The following UBE2V2 variants were observed in gnomAD, a reference collection of about 807,000 sequenced individuals.
UBE2V2 encodes the protein ubiquitin-conjugating enzyme E2 variant 2.
Under a neutral mutation model 17.2 loss-of-function variants are expected in UBE2V2, and 9 were observed. The ratio of observed to expected loss-of-function variants is 0.52; its 90% confidence interval spans 0.32 to 0.91. UBE2V2 has a LOEUF of 0.91. Ranked by LOEUF, UBE2V2 falls within the 40% of genes least tolerant of loss-of-function variation. The probability of loss-of-function intolerance (pLI) is 0.04; values close to 1 mark genes in which losing one functional copy is unlikely to be tolerated. For synonymous variants in UBE2V2, 61 were observed against 57.5 expected, an observed-to-expected ratio of 1.06 and a Z score of -0.28; for missense variants, 133 against 182.6, an observed-to-expected ratio of 0.73 and a Z score of 1.56.
chr8:48,034,234 G>C (rs1325416173), intron 1 of UBE2V2, among the ~76,000 whole-genome samples: 1 of 150,850 alleles, frequency 6.6e-6, no homozygotes, highest in Non-Finnish European at 1.5e-5. Flanking sequence ...CGATTCTCCT[G>C]CCTCAGCCTC....
the UBE2V2 span, among the ~76,000 whole-genome samples, chr8:47,999,403 C>A: frequency 2.0e-5 from 3 of 151,736 alleles, no homozygotes; most frequent in Non-Finnish European, 4.4e-5. Flanking sequence ...TGTCGCCAGG[C>A]TGGAGTGCAG....
At chr8:48,007,890 C>T (rs1187674783), upstream of UBE2V2, among the ~76,000 whole-genome samples, 1 of 151,954 alleles carries the variant, frequency 6.6e-6, no homozygotes, top group Non-Finnish European at 1.5e-5. Context: ...TCTTTTGAAT[C>T]GTTTATCAAC....
chr8:48,019,569 C>T (rs1304179386), intron 1 of UBE2V2, among the ~76,000 whole-genome samples: 1 of 151,636 alleles, frequency 6.6e-6, no homozygotes, highest in African/African-American at 2.4e-5. Context: ...GTAATCCCAG[C>T]ACTTTGGGAG....
At chr8:48,038,217 CAG>C (rs1449678862) in intron 1 of UBE2V2, among the ~76,000 whole-genome samples, 2 of 152,158 alleles carry the variant, frequency 1.3e-5, no homozygotes, top group African/African-American at 4.8e-5. Context: ...TTTTTGGAAA[CAG>C]AACATTTCTA....
rs1362249838 is a variant in UBE2V2 at position 48,049,980 on chromosome 8, T to C, written c.291+2T>C. ...GGAATAAATAATTCCAGTGGGATGG[T>C]AAGTTAATATAGTCATTTTGGTTTT... On this transcript the variant is annotated splice_donor_variant, in intron 3 of 3. Transcript: ENST00000523111. LOFTEE classifies it high-confidence loss of function. 1 of 1,528,088 alleles carries C rather than the reference T, an allele frequency of 6.5e-7. No homozygotes were observed. Among genetic ancestry groups the C allele is most frequent in the Non-Finnish European group, 8.8e-7 (1 of 1,135,672 alleles). 94.7% of individuals were successfully genotyped at this position (1,528,088 alleles called of 1,614,324 possible). A position where few individuals can be genotyped will look rare whatever the true frequency, so the allele number is the denominator to read the frequency against.
chr8:48,046,028 C>T (rs924205499), intron 2 of UBE2V2, among the ~76,000 whole-genome samples: 1 of 152,186 alleles, frequency 6.6e-6, no homozygotes, highest in Admixed American at 6.5e-5. Flanking sequence ...ATCACCGCAA[C>T]CTCCGCCTCC....
intron 3 of UBE2V2, chr8:48,050,548 T>G (rs2091529888): frequency 6.6e-6 from 1 of 152,146 alleles, no homozygotes; most frequent in Admixed American, 6.6e-5. Context: ...TTCTTAGGGT[T>G]TTAATTGCCT....
chr8:48,035,056 T>TACA lies in UBE2V2; in HGVS notation c.17-7975_17-7973dup, dbSNP rs538433574. ...CGAAAGCAGAAGTTAGCATTCCTCTTACAAGGTGAGTGCCAGAACTGGCCT... is the reference window on the plus strand; with the variant it reads ...CGAAAGCAGAAGTTAGCATTCCTCTTACAACAAGGTGAGTGCCAGAACTGGCCT... On this transcript the variant is annotated intron_variant, in intron 1 of 3. Coordinates refer to ENST00000523111, the MANE Select transcript of UBE2V2 (RefSeq NM_003350.3). The TACA allele has an allele frequency of 5.9e-4, 580 of 985,022 alleles. 3 individuals are homozygous for TACA. In the African/African-American group the frequency reaches 9.9e-3, roughly 17 times the overall value. The allele number at this position is 985,022 out of a possible 1,614,324, so 61.0% of individuals were successfully genotyped here. A position where few individuals can be genotyped will look rare whatever the true frequency, so the allele number is the denominator to read the frequency against.
intron 2 of UBE2V2, 87 bp downstream of exon 2, chr8:48,043,268 A>G: frequency 1.9e-6 from 2 of 1,054,712 alleles, no homozygotes; most frequent in Non-Finnish European, 2.5e-6. Context: ...AAAATAAGCA[A>G]TTATGATAAC....
At chr8:48,031,079 G>A (rs572492265) in intron 1 of UBE2V2, among the ~76,000 whole-genome samples, 22 of 151,930 alleles carry the variant, frequency 1.4e-4, no homozygotes, top group African/African-American at 5.3e-4. Flanking sequence ...TGTGGTGGCA[G>A]GCACCTGTAA....
intron 1 of UBE2V2, among the ~76,000 whole-genome samples, chr8:48,010,884 T>A (rs1367400256): frequency 1.7e-4 from 25 of 149,134 alleles, no homozygotes; most frequent in African/African-American, 2.7e-4. Context: ...ATATATATAT[T>A]TTTTTTGTAT....
intron 1 of UBE2V2, among the ~76,000 whole-genome samples, chr8:48,030,298 T>C (rs1360093359): frequency 6.6e-6 from 1 of 152,200 alleles, no homozygotes. Context: ...GAGAGAAAGA[T>C]TAAAAACAAA....
chr8:48,041,583 T>G (rs10958450), intron 1 of UBE2V2, among the ~76,000 whole-genome samples: 3,475 of 152,198 alleles, frequency 0.023, 103 homozygotes, highest in East Asian at 0.084. Flanking sequence ...ACAGACAAAT[T>G]AAAAGTTCTG....
chr8:48,001,132 A>G, the UBE2V2 span, among the ~76,000 whole-genome samples: 1 of 152,082 alleles, frequency 6.6e-6, no homozygotes, highest in Non-Finnish European at 1.5e-5. Context: ...TCCCAACTTA[A>G]TCATTCAAGG....
upstream of UBE2V2, among the ~76,000 whole-genome samples, chr8:48,007,741 CT>C (rs5891259): frequency 0.94 from 136,108 of 144,324 alleles, 64,165 homozygotes; most frequent in East Asian, 1. Context: ...TTCTTTCTTT[CT>C]TTTTTTTTTT....
Position 48,061,607 on chromosome 8 carries a change from C to T in UBE2V2, c.*779C>T, listed in dbSNP as rs937895150. 6.6e-6 allele frequency: 1 copy of T among 152,582 alleles called. No homozygotes were observed. Among genetic ancestry groups the T allele is most frequent in the African/African-American group, 2.4e-5 (1 of 41,428 alleles). The allele number at this position is 152,582 out of a possible 1,614,324, so 9.5% of individuals were successfully genotyped here. On this transcript the variant is annotated 3_prime_UTR_variant, in exon 4 of 4. Transcript: ENST00000523111. ...TTTCTATTATGTTGATGTATATGTA[C>T]AGTACCTTGCCAGGGAAGCAAAAAT...
the UBE2V2 span, among the ~76,000 whole-genome samples, chr8:48,002,368 A>C: frequency 6.6e-6 from 1 of 152,236 alleles, no homozygotes; most frequent in Non-Finnish European, 1.5e-5. Context: ...AGAAAGAAAC[A>C]GTCATTTGTT....
intron 1 of UBE2V2, among the ~76,000 whole-genome samples, chr8:48,032,347 A>G (rs1264688914): frequency 6.6e-6 from 1 of 152,190 alleles, no homozygotes; most frequent in African/African-American, 2.4e-5. Flanking sequence ...TCAGCAAAAG[A>G]ATATTACCTT....
the UBE2V2 span, among the ~76,000 whole-genome samples, chr8:47,999,799 G>A: frequency 6.6e-6 from 1 of 152,130 alleles, no homozygotes; most frequent in South Asian, 2.1e-4. Flanking sequence ...TTATACGGTC[G>A]GGAGCATCGG....
Sources: gnomAD v4.1 joint callset for allele counts (sites outside exome capture counted in the v4.1 genomes callset) on GRCh38, gnomAD v4.1.1 for gene constraint, MANE v1.5 for transcripts, NCBI Gene and HGNC (gene_info 2026-07-23, HGNC 2026-07-21) for gene names.